XDH: variants seen among roughly 807,000 people sequenced by gnomAD.
XDH encodes xanthine dehydrogenase.
In XDH, 138 loss-of-function variants were observed where a neutral mutation model predicts 156.1. The ratio of observed to expected loss-of-function variants is 0.88; its 90% CI spans 0.77 to 1.02. The LOEUF is 1.02. XDH is among the 50% of genes least tolerant of loss of function. XDH has a pLI of 0.00. For missense variants in XDH, 1,849 were observed against 1,684.9 expected (o/e 1.10, Z -1.71); for synonymous variants, 669 against 625.7 (o/e 1.07, Z -1.03).
chr2:31,343,060 A>C (rs980067454), intron 31 of XDH, among the ~76,000 whole-genome samples: 1 of 152,008 alleles, frequency 6.6e-6, no homozygotes, highest in African/African-American at 2.4e-5. Flanking sequence ...CCAGATCTGC[A>C]CAAAAACAAA....
chr2:31,393,806 T>C (rs1398920624), intron 6 of XDH, among the ~76,000 whole-genome samples: 2 of 151,488 alleles, frequency 1.3e-5, no homozygotes, highest in Admixed American at 1.3e-4. Flanking sequence ...TTTTCTTTTT[T>C]TTTTTTTCTG....
chr2:31,379,775 G>A (rs1373747844), intron 13 of XDH, 92 bp downstream of exon 13: 1 of 1,244,604 alleles, frequency 8.0e-7, no homozygotes, highest in Admixed American at 1.7e-5. Context: ...AGATGCTCAG[G>A]TTGGTCCCTG....
Position 31,346,923 on chromosome 2 carries a change from A to C in XDH, c.3277-80T>G. The C allele has an allele frequency of 2.5e-6, 4 of 1,583,032 alleles. No homozygotes were observed. The East Asian group carries it at 9.0e-5, about 35-fold the overall frequency. On this transcript the variant is annotated intron_variant, in intron 29 of 35. Coordinates refer to ENST00000379416, the MANE Select transcript of XDH (RefSeq NM_000379.4). Reference sequence around the variant, plus strand: ...CCAGGCAAAACCCGAGGGCCCCAGCAAGGCTACCTCCAAGCAATGCTGTAC... The same window carrying C: ...CCAGGCAAAACCCGAGGGCCCCAGCCAGGCTACCTCCAAGCAATGCTGTAC...
rs45445692 is a variant in XDH at position 31,370,089 on chromosome 2, T to C, written c.1980+266A>G. ...TTACTGTTGTCCCTTAAGAACCGAA[T>C]TGTTAGTTCAAATGCAATCACCAGT... On this transcript the variant is annotated intron_variant, in intron 18 of 35. Coordinates refer to ENST00000379416, the MANE Select transcript of XDH (RefSeq NM_000379.4). 0.1 allele frequency among the ~76,000 whole-genome samples: 15,389 copies of C among 152,296 alleles called. 1,049 individuals are homozygous for C. Among genetic ancestry groups the C allele is most frequent in the African/African-American group, 0.2 (8,144 of 41,544 alleles).
At chr2:31,352,345 T>C (rs995368521) in intron 24 of XDH, among the ~76,000 whole-genome samples, 4 of 152,152 alleles carry the variant, frequency 2.6e-5, no homozygotes, top group African/African-American at 9.7e-5. Context: ...GGCAGCTTTC[T>C]TTTTTTGTTG....
intron 1 of XDH, among the ~76,000 whole-genome samples, chr2:31,412,546 G>T (rs1198336452): frequency 6.6e-6 from 1 of 152,090 alleles, no homozygotes; most frequent in African/African-American, 2.4e-5. Flanking sequence ...ACGAGTTAAT[G>T]GGTGCAGCAA....
At chr2:31,339,271 C>G (rs1000851953) in intron 34 of XDH, among the ~76,000 whole-genome samples, 1 of 152,102 alleles carries the variant, frequency 6.6e-6, no homozygotes, top group Non-Finnish European at 1.5e-5. Flanking sequence ...GGCTTCAGAC[C>G]ATACTAAGGT....
At chr2:31,386,367 A>AC (rs1394574397) in intron 9 of XDH, 47 bp downstream of exon 9, 2 of 1,604,080 alleles carry the variant, frequency 1.2e-6, no homozygotes, top group Non-Finnish European at 1.7e-6. Flanking sequence ...ACCTAGAAAC[A>AC]CCCCCAGACC....
At chr2:31,383,216 A>G (rs1166008164) in intron 10 of XDH, 64 bp from the exon 11 acceptor site, 1 of 1,611,382 alleles carries the variant, frequency 6.2e-7, no homozygotes, top group Non-Finnish European at 8.5e-7. Context: ...TTTCATGCAC[A>G]GCTCCTCTGA....
At chr2:31,383,455 T>C (rs1297238841) in intron 10 of XDH, among the ~76,000 whole-genome samples, 5 of 152,224 alleles carry the variant, frequency 3.3e-5, no homozygotes, top group Non-Finnish European at 7.3e-5. Flanking sequence ...TAGCATTCTT[T>C]TTAAAAGCAC....
intron 1 of XDH, among the ~76,000 whole-genome samples, chr2:31,410,322 G>A (rs571034675): frequency 2.6e-5 from 4 of 152,144 alleles, no homozygotes; most frequent in Non-Finnish European, 2.9e-5. Context: ...CCAATATTAT[G>A]AATGTATGTA....
At chr2:31,349,985 A>T (rs747818614) in intron 25 of XDH, 47 bp downstream of exon 25, 1 of 1,612,498 alleles carries the variant, frequency 6.2e-7, no homozygotes, top group Non-Finnish European at 8.5e-7. Context: ...CTGTCCCCCG[A>T]AGTAGTCTAA....
chr2:31,383,636 AG>A, intron 10 of XDH, 118 bp downstream of exon 10: 2 of 922,566 alleles, frequency 2.2e-6, no homozygotes. Flanking sequence ...GGTGAGCCCC[AG>A]GAGAAGCAGG....
chr2:31,343,229 G>A (rs547183339), intron 31 of XDH, among the ~76,000 whole-genome samples: 1 of 143,810 alleles, frequency 7.0e-6, no homozygotes, highest in Admixed American at 7.0e-5. Flanking sequence ...ATGTGTTTAT[G>A]TATGTGTAGG....
rs1684956955 is a variant in XDH at position 31,335,839 on chromosome 2, T to C, written c.*119A>G. On this transcript the variant is annotated 3_prime_UTR_variant, in exon 36 of 36. Transcript: ENST00000379416. ...ATTCACTTGTCTTCCAAATCCCATC[T>C]TGACAAATCACAGGTCTGTCATTCT... 8.3e-6 allele frequency: 10 copies of C among 1,207,168 alleles called. No individual in the cohort carries two copies. The highest frequency in any genetic ancestry group is 1.5e-5 in the African/African-American group (1 of 66,828). The allele number at this position is 1,207,168 out of a possible 1,614,324, so 74.8% of individuals were successfully genotyped here.
chr2:31,341,229 A>T, intron 33 of XDH, 100 bp downstream of exon 33: 1 of 1,224,260 alleles, frequency 8.2e-7, no homozygotes, highest in Admixed American at 2.0e-5. Flanking sequence ...GCCTGTTTGA[A>T]GACAACCTTG....
intron 26 of XDH, 45 bp from the exon 27 acceptor site, chr2:31,349,025 G>C: frequency 6.4e-7 from 1 of 1,564,444 alleles, no homozygotes; most frequent in Non-Finnish European, 8.8e-7. Context: ...CTATCATATT[G>C]AGGACATGAA....
chr2:31,379,132 G>A (rs1168082610), intron 13 of XDH, among the ~76,000 whole-genome samples: 2 of 152,174 alleles, frequency 1.3e-5, no homozygotes, highest in South Asian at 2.1e-4. Context: ...CCTTTTGGAT[G>A]TGTTCTGAGC....
chr2:31,399,988 T>C (rs1687012878), intron 4 of XDH, among the ~76,000 whole-genome samples: 1 of 152,202 alleles, frequency 6.6e-6, no homozygotes, highest in South Asian at 2.1e-4. Flanking sequence ...CAAGCCTTAA[T>C]TAACCCTCTC....
Sources: gnomAD v4.1 joint callset for allele counts (sites outside exome capture counted in the v4.1 genomes callset) on GRCh38, gnomAD v4.1.1 for gene constraint, MANE v1.5 for transcripts, NCBI Gene and HGNC (gene_info 2026-07-23, HGNC 2026-07-21) for gene names.